Variants in RERE observed in about 807,000 individuals in gnomAD.
RERE encodes arginine-glutamic acid dipeptide repeats, also known as arginine-glutamic acid dipeptide repeats protein.
RERE carries 40 observed loss-of-function variants against 146.1 expected under a neutral mutation model. That is an observed-to-expected ratio of 0.27 (90% CI 0.21 to 0.36). The LOEUF is 0.36. Ranked by LOEUF, RERE falls within the 10% of genes least tolerant of loss-of-function variation. The pLI is 1.00. For synonymous variants in RERE, 1,003 were observed against 866.0 expected (o/e 1.16, Z -2.78); for missense variants, 1,933 against 2,138.7 (o/e 0.90, Z 1.90).
At chr1:8,602,810 TA>T (rs1288624915) in intron 4 of RERE, among the ~76,000 whole-genome samples, 9 of 151,616 alleles carry the variant, frequency 5.9e-5, no homozygotes, top group Admixed American at 1.3e-4. Context: ...TTTATTGGTT[TA>T]AAAGAAATAT....
At chr1:8,521,729 T>C (rs772409479) in intron 7 of RERE, among the ~76,000 whole-genome samples, 24 of 152,270 alleles carry the variant, frequency 1.6e-4, no homozygotes, top group African/African-American at 1.9e-4. Flanking sequence ...GCTTGCCCAA[T>C]TGTCACTTAT....
At chr1:8,649,667 T>C (rs952079008) in intron 2 of RERE, among the ~76,000 whole-genome samples, 3 of 150,868 alleles carry the variant, frequency 2.0e-5, no homozygotes, top group East Asian at 1.9e-4. Context: ...GAGGCGGAGG[T>C]TGCAGTGAGC....
chr1:8,647,635 ATATGTATGTGTGTGTGTG>A (rs1264957075), intron 2 of RERE, among the ~76,000 whole-genome samples: 1 of 60,534 alleles, frequency 1.7e-5, no homozygotes, highest in Non-Finnish European at 3.4e-5. Context: ...TCTATTTAAA[ATATGTATGTGTGTGTGTG>A]TGTGTGTGTG....
intron 1 of RERE, among the ~76,000 whole-genome samples, chr1:8,699,628 A>G (rs1639404812): frequency 6.6e-6 from 1 of 152,154 alleles, no homozygotes; most frequent in Admixed American, 6.5e-5. Context: ...TAGGATACCT[A>G]CTTCCCTCCA....
chr1:8,678,618 CAGGGAGGCGGAGGT>C (rs1638896948), intron 1 of RERE, among the ~76,000 whole-genome samples: 1 of 151,956 alleles, frequency 6.6e-6, no homozygotes, highest in African/African-American at 2.4e-5. Flanking sequence ...GCGGAGGTTG[CAGGGAGGCGGAGGT>C]TGCAGTGAGC....
At chr1:8,382,131 G>A (rs916532292) in intron 12 of RERE, among the ~76,000 whole-genome samples, 1 of 152,238 alleles carries the variant, frequency 6.6e-6, no homozygotes, top group Non-Finnish European at 1.5e-5. Flanking sequence ...GTGTGCTGGA[G>A]CACATAGAGA....
At position 8,694,982 on chromosome 1, in the gene RERE, G is replaced by A. The variant is rs1639294657; in HGVS notation, c.-144-38541C>T. Among the ~76,000 whole-genome samples, 3 of 131,470 alleles carry A rather than the reference G, an allele frequency of 2.3e-5. 1 individual carries two copies. The highest frequency in any genetic ancestry group is 4.9e-5 in the Non-Finnish European group (3 of 61,728). The allele number at this position is 131,470 out of a possible 152,430, so 86.2% of individuals were successfully genotyped here. ...AGCCAAAGAAATCCTAAGGGGGGGG[G>A]GGGAATGCTGGCAGCATCACATTAT... On this transcript the variant is annotated intron_variant, in intron 1 of 22. Transcript: ENST00000400908.
intron 4 of RERE, among the ~76,000 whole-genome samples, chr1:8,564,864 GTGTGTGTA>G (rs1436015838): frequency 1.0e-3 from 134 of 130,982 alleles, no homozygotes; most frequent in African/African-American, 3.7e-3. Context: ...GTGTGTGTGT[GTGTGTGTA>G]TATATATATA....
intron 1 of RERE, among the ~76,000 whole-genome samples, chr1:8,746,682 G>C (rs1640427257): frequency 6.6e-6 from 1 of 151,742 alleles, no homozygotes; most frequent in Non-Finnish European, 1.5e-5. Flanking sequence ...ATCGTGGTCT[G>C]ACTTACATTA....
At chr1:8,471,509 C>G (rs1025689656) in intron 10 of RERE, among the ~76,000 whole-genome samples, 1 of 140,516 alleles carries the variant, frequency 7.1e-6, no homozygotes, top group Non-Finnish European at 1.5e-5. Context: ...CCATGCTGCC[C>G]GGGGTTGCTT....
At position 8,358,485 on chromosome 1, in the gene RERE, G is replaced by C. The variant is rs1260124916; in HGVS notation, c.4050C>G (p.His1350Gln). The C allele has an allele frequency of 1.3e-6, 2 of 1,587,482 alleles. No homozygotes were observed. The highest frequency in any genetic ancestry group is 1.7e-6 in the Non-Finnish European group (2 of 1,166,430). ...AANPMEHFARHSALTIPPTAG... is the reference protein window; with the variant it reads ...AANPMEHFARQSALTIPPTAG... ...CGGTCGGGGGGATGGTGAGGGCGCT[G>C]TGCCGGGCAAAGTGCTCCATGGGGT... The change falls in exon 20 of 23, where the codon CAC becomes CAG. Residue 1350 changes from histidine (H) to glutamine (Q), a missense_variant. By Grantham distance (24) the His-to-Gln change is conservative. Around this residue, in one of 11 missense-constraint regions of RERE, gnomAD observed 1,255 missense variants for 1,153.8 expected, o/e 1.09. Coordinates refer to ENST00000400908, the MANE Select transcript of RERE (RefSeq NM_001042681.2).
chr1:8,719,923 A>T (rs1441387671), intron 1 of RERE, among the ~76,000 whole-genome samples: 1 of 152,152 alleles, frequency 6.6e-6, no homozygotes, highest in East Asian at 1.9e-4. Context: ...AACTCAGGGC[A>T]TGGAGCACGT....
chr1:8,755,547 A>G (rs956563580), intron 1 of RERE, among the ~76,000 whole-genome samples: 3 of 152,212 alleles, frequency 2.0e-5, no homozygotes, highest in Admixed American at 6.5e-5. Context: ...CTTTGGTTTA[A>G]GCTTCATGGA....
At chr1:8,639,351 G>T (rs1647145472) in intron 2 of RERE, among the ~76,000 whole-genome samples, 1 of 152,124 alleles carries the variant, frequency 6.6e-6, no homozygotes, top group Non-Finnish European at 1.5e-5. Flanking sequence ...CACCAATCCT[G>T]ACCTAAATGC....
At chr1:8,486,166 G>C (rs2124198788) in intron 10 of RERE, among the ~76,000 whole-genome samples, 1 of 152,106 alleles carries the variant, frequency 6.6e-6, no homozygotes, top group East Asian at 1.9e-4. Flanking sequence ...AAAAAAATTA[G>C]TATAAGAGAA....
intron 11 of RERE, among the ~76,000 whole-genome samples, chr1:8,444,454 T>C (rs1303901082): frequency 6.6e-6 from 1 of 152,208 alleles, no homozygotes; most frequent in African/African-American, 2.4e-5. Flanking sequence ...CTTAGGACTT[T>C]TGAGTTTATA....
chr1:8,393,893 T>C (rs1642966867), intron 12 of RERE, among the ~76,000 whole-genome samples: 1 of 152,180 alleles, frequency 6.6e-6, no homozygotes, highest in Non-Finnish European at 1.5e-5. Flanking sequence ...TCATTTTTTG[T>C]TTATAATTTG....
chr1:8,507,737 C>CTTTTTTTTTTTTTTTTTTTT (rs58647657), intron 8 of RERE, among the ~76,000 whole-genome samples: 1 of 85,958 alleles, frequency 1.2e-5, no homozygotes, highest in Non-Finnish European at 2.0e-5. Context: ...CATCTTTTAT[C>CTTTTTTTTTTTTTTTTTTTT]TTTTTTTTTT....
chr1:8,520,729 A>G (rs866038325), intron 7 of RERE, among the ~76,000 whole-genome samples: 9 of 139,234 alleles, frequency 6.5e-5, no homozygotes, highest in Non-Finnish European at 9.2e-5. Context: ...CTGCACACAC[A>G]TGGAGATTCA....
Sources: allele counts gnomAD v4.1 joint callset (sites outside exome capture counted in the v4.1 genomes callset), GRCh38; gene constraint gnomAD v4.1.1; regional missense constraint gnomAD v4.1.1; transcripts MANE v1.5; gene names NCBI Gene and HGNC (gene_info 2026-07-23, HGNC 2026-07-21).